TBC1D12: variants seen among roughly 807,000 people sequenced by gnomAD.
The protein encoded by TBC1D12 is TBC1 domain family, member 12.
In TBC1D12, 56 loss-of-function variants were observed where a neutral mutation model predicts 86.7. The ratio of observed to expected loss-of-function variants is 0.65; its 90% confidence interval spans 0.52 to 0.81. The LOEUF is 0.81. TBC1D12 is among the 30% of genes least tolerant of loss of function. The probability of loss-of-function intolerance (pLI) is 0.00; values close to 1 mark genes in which losing one functional copy is unlikely to be tolerated. For synonymous variants in TBC1D12, 421 were observed against 411.7 expected (o/e 1.02, Z -0.27); for missense variants, 1,023 against 1,038.8 (o/e 0.98, Z 0.21).
intron 9 of TBC1D12, among the ~76,000 whole-genome samples, chr10:94,519,822 C>A (rs1326241429): frequency 6.6e-6 from 1 of 152,084 alleles, no homozygotes; most frequent in African/African-American, 2.4e-5. Context: ...TATAAGGAAC[C>A]TCATGATGAT....
chr10:94,437,982 C>T (rs1189711468), intron 1 of TBC1D12, among the ~76,000 whole-genome samples: 7 of 93,344 alleles, frequency 7.5e-5, no homozygotes, highest in Non-Finnish European at 1.6e-4. Flanking sequence ...CTTTTTCAAT[C>T]TCCTGGAGCT....
At chr10:94,499,200 A>G (rs921897907) in intron 5 of TBC1D12, among the ~76,000 whole-genome samples, 3 of 152,218 alleles carry the variant, frequency 2.0e-5, no homozygotes, top group East Asian at 3.8e-4. Flanking sequence ...AGCAATTTTG[A>G]AACATACAGT....
At chr10:94,507,720 T>C (rs532406361) in intron 7 of TBC1D12, among the ~76,000 whole-genome samples, 1 of 152,276 alleles carries the variant, frequency 6.6e-6, no homozygotes, top group South Asian at 2.1e-4. Context: ...GGCGGATGGC[T>C]CACACCTGTA....
chr10:94,418,696 C>T (rs1200084193), intron 1 of TBC1D12, among the ~76,000 whole-genome samples: 4 of 151,766 alleles, frequency 2.6e-5, no homozygotes, highest in Admixed American at 6.6e-5. Flanking sequence ...CTCAGCCTCC[C>T]GAGTAGCTGG....
intron 1 of TBC1D12, among the ~76,000 whole-genome samples, chr10:94,435,278 A>G (rs1328396559): frequency 1.3e-5 from 2 of 152,190 alleles, no homozygotes; most frequent in East Asian, 1.9e-4. Context: ...TGAGCTAGAA[A>G]CAACTGTATT....
chr10:94,437,399 C>A (rs901382540), intron 1 of TBC1D12, among the ~76,000 whole-genome samples: 2 of 151,798 alleles, frequency 1.3e-5, no homozygotes, highest in African/African-American at 2.4e-5. Context: ...AATCTTGGCT[C>A]ACTGCGAGCT....
At chr10:94,457,858 A>G (rs2055651873) in intron 2 of TBC1D12, among the ~76,000 whole-genome samples, 1 of 152,098 alleles carries the variant, frequency 6.6e-6, no homozygotes, top group South Asian at 2.1e-4. Context: ...TAGCTAAGCC[A>G]ACTCCACTTT....
chr10:94,484,329 C>A (rs1018157649), intron 3 of TBC1D12, among the ~76,000 whole-genome samples: 29 of 151,014 alleles, frequency 1.9e-4, no homozygotes, highest in African/African-American at 7.1e-4. Flanking sequence ...CTCACCGCAA[C>A]CTCCACCTCC....
rs573344096 is a variant in TBC1D12, at chr10:94,402,696, A to G, written c.83A>G (p.Gln28Arg). The G allele has an allele frequency of 3.1e-6, 5 of 1,598,182 alleles. No homozygotes were observed. The highest frequency in any genetic ancestry group is 4.3e-6 in the Non-Finnish European group (5 of 1,172,788). The change falls in exon 1 of 13, where the codon CAG (glutamine) becomes CGG (arginine). Residue 28 changes from glutamine (Q) to arginine (R), a missense_variant. By Grantham distance (43) the Gln-to-Arg change is conservative. Coordinates refer to ENST00000225235, the MANE Select transcript of TBC1D12 (RefSeq NM_015188.2). ...GTGCCTGCGCCGGACCCCGTGGGCC[A>G]GGACAGGAAGGTAATCCGGGCCACG... Reference protein sequence around the residue: ...LPVPAPDPVGQDRKVIRATGG... With the variant: ...LPVPAPDPVGRDRKVIRATGG...
chr10:94,465,111 T>G (rs2055786854), intron 2 of TBC1D12, among the ~76,000 whole-genome samples: 1 of 152,200 alleles, frequency 6.6e-6, no homozygotes, highest in African/African-American at 2.4e-5. Context: ...TAAGTTATAG[T>G]GTGGAATCTG....
chr10:94,428,282 C>CTT (rs894535771), intron 1 of TBC1D12, among the ~76,000 whole-genome samples: 2,193 of 99,880 alleles, frequency 0.022, 94 homozygotes, highest in African/African-American at 0.075. Flanking sequence ...TTTGGAACTT[C>CTT]TTTTTTTTTT....
intron 12 of TBC1D12, among the ~76,000 whole-genome samples, chr10:94,531,734 G>GTTATTTTATGTTATGTTATT (rs1842427053): frequency 1.5e-5 from 1 of 68,364 alleles, no homozygotes; most frequent in African/African-American, 5.3e-5. Context: ...GTTATTTTAT[G>GTTATTTTATGTTATGTTATT]TTATGTTATT....
At chr10:94,451,724 T>G (rs762771155) in intron 2 of TBC1D12, among the ~76,000 whole-genome samples, 2 of 152,132 alleles carry the variant, frequency 1.3e-5, no homozygotes, top group Non-Finnish European at 2.9e-5. Flanking sequence ...TCTTATCTCT[T>G]TGTGTGCCCA....
chr10:94,523,671 TAAAAA>T (rs112409985), intron 11 of TBC1D12, among the ~76,000 whole-genome samples: 16 of 151,092 alleles, frequency 1.1e-4, no homozygotes, highest in Admixed American at 1.1e-3. Flanking sequence ...TTCTCTAGCT[TAAAAA>T]AAAAGGCCAA....
intron 2 of TBC1D12, among the ~76,000 whole-genome samples, chr10:94,460,112 A>G (rs762942260): frequency 5.9e-5 from 9 of 152,124 alleles, no homozygotes; most frequent in Non-Finnish European, 8.8e-5. Context: ...CATGCCTGTA[A>G]TCCCAGCTAC....
rs367582282 is a variant in TBC1D12 at position 94,437,412 on chromosome 10, G to A, written c.972-4484G>A. ...ACAATCTTGGCTCACTGCGAGCTCC[G>A]CCTCCTGGGTTCACACCATTCTTCT... On this transcript the variant is annotated intron_variant, in intron 1 of 12. Coordinates refer to ENST00000225235, the MANE Select transcript of TBC1D12 (RefSeq NM_015188.2). Among the ~76,000 whole-genome samples, 48 of 151,704 alleles carry A rather than the reference G, an allele frequency of 3.2e-4. No individual in the cohort carries two copies. In the East Asian group the frequency reaches 6.2e-3, roughly 20 times the overall value.
chr10:94,416,858 A>G (rs1365130373), intron 1 of TBC1D12, among the ~76,000 whole-genome samples: 1 of 152,164 alleles, frequency 6.6e-6, no homozygotes, highest in Non-Finnish European at 1.5e-5. Flanking sequence ...TGACAGGACA[A>G]GTAAAAATAA....
At chr10:94,407,119 T>C (rs951733378) in intron 1 of TBC1D12, among the ~76,000 whole-genome samples, 1 of 152,216 alleles carries the variant, frequency 6.6e-6, no homozygotes, top group Non-Finnish European at 1.5e-5. Context: ...AATGTATCTA[T>C]TACTACATAG....
intron 2 of TBC1D12, among the ~76,000 whole-genome samples, chr10:94,473,550 G>A (rs1256694412): frequency 6.6e-6 from 1 of 152,086 alleles, no homozygotes; most frequent in Admixed American, 6.6e-5. Flanking sequence ...TGAAATATCT[G>A]ACCACTTTAA....
Sources: gnomAD v4.1 joint callset for allele counts (sites outside exome capture counted in the v4.1 genomes callset) on GRCh38, gnomAD v4.1.1 for gene constraint, MANE v1.5 for transcripts, NCBI Gene and HGNC (gene_info 2026-07-23, HGNC 2026-07-21) for gene names.